The following ARIH2 variants were observed in gnomAD, a reference collection of about 807,000 sequenced individuals.
ARIH2 encodes the protein E3 ubiquitin-protein ligase ARIH2.
Under a neutral mutation model 79.8 loss-of-function variants are expected in ARIH2, and 12 were observed. That is an observed-to-expected ratio of 0.15 (90% CI 0.10 to 0.24). The LOEUF (loss-of-function observed/expected upper bound fraction) is 0.24. Ranked by LOEUF, ARIH2 falls within the 10% of genes least tolerant of loss-of-function variation. The pLI, the probability that ARIH2 is intolerant of heterozygous loss-of-function variation, is 1.00. For synonymous variants in ARIH2, 224 were observed against 213.9 expected (o/e 1.05, Z -0.41); for missense variants, 301 against 618.3 (o/e 0.49, Z 5.44).
chr3:48,937,139 CAG>C lies in ARIH2; in HGVS notation c.255+9329_255+9330del, dbSNP rs1218037870. On this transcript the variant is annotated intron_variant, in intron 3 of 15. Transcript: ENST00000356401. Reference sequence around the variant, plus strand: ...TTGTTTGGAGATTTTAAAAGGAAAACAGAGCTGTTCTTATAATTGTGAACAAA... The same window carrying C: ...TTGTTTGGAGATTTTAAAAGGAAAACAGCTGTTCTTATAATTGTGAACAAA... 5.3e-5 allele frequency among the ~76,000 whole-genome samples: 8 copies of C among 152,126 alleles called. No individual in the cohort carries two copies. In the South Asian group the frequency reaches 1.7e-3, roughly 32 times the overall value.
At chr3:48,969,383 T>C (rs2092028039) in intron 7 of ARIH2, among the ~76,000 whole-genome samples, 1 of 152,162 alleles carries the variant, frequency 6.6e-6, no homozygotes, top group Non-Finnish European at 1.5e-5. Context: ...TTGGAAAACT[T>C]GTCCAGGATT....
intron 8 of ARIH2, among the ~76,000 whole-genome samples, chr3:48,971,240 C>G (rs1003272316): frequency 6.6e-6 from 1 of 152,108 alleles, no homozygotes; most frequent in Non-Finnish European, 1.5e-5. Context: ...CCCTTATATT[C>G]TCTCTTTTTT....
At chr3:48,974,155 A>T (rs1442211212) in intron 9 of ARIH2, among the ~76,000 whole-genome samples, 1 of 152,192 alleles carries the variant, frequency 6.6e-6, no homozygotes, top group Non-Finnish European at 1.5e-5. Context: ...TGATACATAT[A>T]AGGCTGTAAT....
chr3:48,929,896 C>CT (rs1464781920), intron 3 of ARIH2, among the ~76,000 whole-genome samples: 1 of 151,972 alleles, frequency 6.6e-6, no homozygotes, highest in Non-Finnish European at 1.5e-5. Context: ...TTGTTCTGGC[C>CT]TTTAAGACTG....
chr3:48,977,273 A>G (rs1479756281), intron 11 of ARIH2, among the ~76,000 whole-genome samples: 2 of 152,036 alleles, frequency 1.3e-5, no homozygotes, highest in Admixed American at 6.5e-5. Context: ...TATATGGGCA[A>G]CCGTAGGGAA....
At chr3:48,935,082 T>G in intron 3 of ARIH2, 2 of 446,518 alleles carry the variant, frequency 4.5e-6, no homozygotes, top group Non-Finnish European at 5.9e-6. Context: ...TAAAATAAGT[T>G]TTCTTGCTTG....
At chr3:48,935,035 A>G (rs2086919522) in intron 3 of ARIH2, 2 of 755,726 alleles carry the variant, frequency 2.6e-6, no homozygotes, top group South Asian at 1.2e-4. Flanking sequence ...TTACTACAGT[A>G]TTTAAGAAAA....
Position 48,981,832 on chromosome 3 carries a change from G to A in ARIH2, c.1326+104G>A, listed in dbSNP as rs142074305. ...AGGACCAGACCTTGGTCATTGGGAG[G>A]GCAAAGTTAAAACAAAACTCTAATT... is the stretch of plus-strand genomic sequence containing the variant. On this transcript the variant is annotated intron_variant, in intron 14 of 15. Coordinates refer to ENST00000356401, the MANE Select transcript of ARIH2 (RefSeq NM_006321.4). The A allele has an allele frequency of 3.5e-3, 3,189 of 909,696 alleles. 14 individuals are homozygous for A. The highest frequency in any genetic ancestry group is 4.7e-3 in the Non-Finnish European group (2,739 of 586,250). 56.4% of individuals were successfully genotyped at this position (909,696 alleles called of 1,614,324 possible).
At chr3:48,945,495 A>C (rs1412591989) in intron 3 of ARIH2, among the ~76,000 whole-genome samples, 1 of 152,134 alleles carries the variant, frequency 6.6e-6, no homozygotes, top group Non-Finnish European at 1.5e-5. Context: ...ATAACTGTTA[A>C]ATTTCCTGGA....
chr3:48,964,303 A>C (rs2091565663), intron 4 of ARIH2, among the ~76,000 whole-genome samples: 1 of 142,488 alleles, frequency 7.0e-6, no homozygotes, highest in African/African-American at 2.6e-5. Flanking sequence ...CACTGCGCCC[A>C]GCCATATATA....
intron 4 of ARIH2, among the ~76,000 whole-genome samples, chr3:48,963,040 T>A (rs961248760): frequency 5.3e-5 from 8 of 152,080 alleles, no homozygotes; most frequent in African/African-American, 1.4e-4. Flanking sequence ...GGTTAATTCT[T>A]GTATTTTTAG....
chr3:48,944,908 C>G (rs2088900646), intron 3 of ARIH2: 1 of 364,456 alleles, frequency 2.7e-6, no homozygotes, highest in African/African-American at 2.1e-5. Context: ...ATATCATGTC[C>G]CATTCTAGCC....
rs2092753913 is a variant in ARIH2 at position 48,981,578 on chromosome 3, G to A, written c.1258-82G>A. ...AGAGCTGGGCTAATTTGCATGTTGA[G>A]GGTAGGAATTGTAAGAGCCACCTGA... On this transcript the variant is annotated intron_variant, in intron 13 of 15. Coordinates refer to ENST00000356401, the MANE Select transcript of ARIH2 (RefSeq NM_006321.4). The A allele has an allele frequency of 6.9e-6, 8 of 1,152,906 alleles. No individual in the cohort carries two copies. In the Admixed American group the frequency reaches 1.3e-4, roughly 18 times the overall value. 71.4% of individuals were successfully genotyped at this position (1,152,906 alleles called of 1,614,324 possible).
intron 3 of ARIH2, among the ~76,000 whole-genome samples, chr3:48,939,960 A>G (rs922261918): frequency 6.6e-6 from 1 of 152,214 alleles, no homozygotes; most frequent in African/African-American, 2.4e-5. Flanking sequence ...ACAGTGGCTC[A>G]TGCCTGTAAT....
intron 1 of ARIH2, 114 bp downstream of exon 1, chr3:48,919,112 C>T (rs2084342851): frequency 1.6e-6 from 2 of 1,282,694 alleles, no homozygotes; most frequent in East Asian, 3.0e-5. Context: ...GCCCGGGAGG[C>T]CCGGGCGCTC....
rs1337676128 is a variant in ARIH2, at chr3:48,973,774, C to T, written c.846C>T (p.Asp282=). 1.7e-5 allele frequency: 28 copies of T among 1,613,926 alleles called. No homozygotes were observed. The highest frequency in any genetic ancestry group is 2.2e-5 in the Non-Finnish European group (26 of 1,179,984). Residue 282 remains aspartate, a synonymous_variant, in exon 9 of 16, where the codon GAC becomes GAT. Transcript: ENST00000356401. The part of the protein sequence containing the change: ...TIRKWLTKCA[D]DSETANYISA... ...GGAAATGGCTCACGAAGTGTGCAGA[C>T]GACTCTGAAACAGCCAACTACATTA...
rs2092888582 is a variant in ARIH2 at position 48,985,789 on chromosome 3, A to G, written c.*2519A>G. 1 of 152,162 alleles carries G rather than the reference A, an allele frequency of 6.6e-6. No individual in the cohort carries two copies. Among genetic ancestry groups the G allele is most frequent in the Admixed American group, 6.6e-5 (1 of 15,264 alleles). The allele number at this position is 152,162 out of a possible 1,614,324, so 9.4% of individuals were successfully genotyped here. A position where few individuals can be genotyped will look rare whatever the true frequency, so the allele number is the denominator to read the frequency against. On this transcript the variant is annotated 3_prime_UTR_variant, in exon 16 of 16. Transcript: ENST00000356401. ...TTTCCGCTCTCCTCTCCCTCAGTAC[A>G]GGCTGAATCATTCCCCACCACAGAT...
intron 4 of ARIH2, 42 bp downstream of exon 4, chr3:48,961,721 C>G (rs766574090): frequency 7.9e-7 from 1 of 1,273,434 alleles, no homozygotes; most frequent in Admixed American, 1.7e-5. Flanking sequence ...GCCCATAGCT[C>G]CCCTCTCCGT....
chr3:48,927,862 G>A (rs781078550), intron 3 of ARIH2, 49 bp downstream of exon 3: 10 of 1,590,144 alleles, frequency 6.3e-6, no homozygotes, highest in Middle Eastern at 1.7e-4. Context: ...TTAAATCTAA[G>A]GATGAGCTGT....
Sources: gnomAD v4.1 joint callset for allele counts (sites outside exome capture counted in the v4.1 genomes callset) on GRCh38, gnomAD v4.1.1 for gene constraint, MANE v1.5 for transcripts, NCBI Gene and HGNC (gene_info 2026-07-23, HGNC 2026-07-21) for gene names.